Variants in ENTPD5 observed in about 807,000 individuals in gnomAD.
ENTPD5 encodes ectonucleoside triphosphate diphosphohydrolase 5 (inactive).
In ENTPD5, 49 loss-of-function variants were observed where a neutral mutation model predicts 60.2. The ratio of observed to expected loss-of-function variants is 0.81; its 90% CI spans 0.65 to 1.03. The LOEUF (loss-of-function observed/expected upper bound fraction) is 1.03, where lower values mean the gene tolerates loss of function less well. Among genes scored for constraint, ENTPD5 ranks in the 50% least tolerant of loss-of-function variants. The pLI is 0.00. For missense variants in ENTPD5, 480 were observed against 507.6 expected (o/e 0.95, Z 0.52); for synonymous variants, 187 against 185.4 (o/e 1.01, Z -0.07).
intron 6 of ENTPD5, among the ~76,000 whole-genome samples, chr14:73,981,652 TA>T (rs989858192): frequency 6.7e-6 from 1 of 150,066 alleles, no homozygotes; most frequent in Admixed American, 6.7e-5. Flanking sequence ...AAAAAATTTA[TA>T]AAAATTAGCC....
chr14:73,968,580 C>G (rs929503202), intron 15 of ENTPD5, among the ~76,000 whole-genome samples: 3 of 152,040 alleles, frequency 2.0e-5, no homozygotes, highest in African/African-American at 7.2e-5. Context: ...CACCTGCCAC[C>G]ACGCCCGGCT....
downstream of ENTPD5, chr14:73,961,195 A>T (rs761913612): frequency 9.9e-6 from 16 of 1,613,672 alleles, no homozygotes; most frequent in Non-Finnish European, 1.4e-5. Flanking sequence ...GACCACACGG[A>T]CTTCATCGAC....
intron 3 of ENTPD5, among the ~76,000 whole-genome samples, chr14:73,991,907 G>A (rs2058150831): frequency 2.6e-5 from 4 of 151,372 alleles, no homozygotes; most frequent in Admixed American, 6.6e-5. Context: ...CCTGAGGCAG[G>A]AGAATCACTT....
In ENTPD5 at chr14:73,973,040, G is replaced by A. The variant is rs769630518; in HGVS notation, c.887-16C>T. ...CCCACCTCCCCTGCCAGGCAAAGGT[G>A]CACAGGGGTAAGGTGAGAACGACGC... On this transcript the variant is annotated splice_polypyrimidine_tract_variant and intron_variant, in intron 12 of 15. Coordinates refer to ENST00000334696, the MANE Select transcript of ENTPD5 (RefSeq NM_001249.5). 13 of 1,613,716 alleles carry A rather than the reference G, an allele frequency of 8.1e-6. No individual in the cohort carries two copies. The East Asian group carries it at 2.9e-4, about 36-fold the overall frequency.
chr14:73,956,805 T>G (rs2056457954), downstream of ENTPD5: 1 of 152,148 alleles, frequency 6.6e-6, no homozygotes, highest in African/African-American at 2.4e-5. Context: ...GAGAGAAAAA[T>G]TGGAAGTAAC....
chr14:73,958,481 A>ATG (rs1345980017), downstream of ENTPD5: 2 of 1,406,472 alleles, frequency 1.4e-6, no homozygotes, highest in Non-Finnish European at 9.3e-7. Flanking sequence ...GGGCCGTCTT[A>ATG]GGTTGTGAAA....
At chr14:74,012,396 C>T (rs1375915904) in intron 2 of ENTPD5, among the ~76,000 whole-genome samples, 1 of 152,090 alleles carries the variant, frequency 6.6e-6, no homozygotes, top group African/African-American at 2.4e-5. Flanking sequence ...CATGAGCCAC[C>T]GGTCCCAGCT....
intron 6 of ENTPD5, among the ~76,000 whole-genome samples, chr14:73,978,664 T>C (rs1374104714): frequency 2.6e-5 from 4 of 151,668 alleles, no homozygotes; most frequent in African/African-American, 9.7e-5. Flanking sequence ...TTCCTTCTTA[T>C]AGAAAAAGCC....
chr14:73,976,418 A>G lies in ENTPD5; in HGVS notation c.554-6T>C. Reference sequence around the variant, plus strand: ...TCTGTGGCCATGCAGCTGACCTGTCAAATGAGAGCCAGCTCTAAATAGCCT... The same window carrying G: ...TCTGTGGCCATGCAGCTGACCTGTCGAATGAGAGCCAGCTCTAAATAGCCT... On this transcript the variant is annotated splice_polypyrimidine_tract_variant and splice_region_variant and intron_variant, in intron 8 of 15. Coordinates refer to ENST00000334696, the MANE Select transcript of ENTPD5 (RefSeq NM_001249.5). 1 of 1,613,470 alleles carries G rather than the reference A, an allele frequency of 6.2e-7. No homozygotes were observed. Among genetic ancestry groups the G allele is most frequent in the African/African-American group, 1.3e-5 (1 of 75,036 alleles).
In ENTPD5 at chr14:73,975,715, G is replaced by A. The variant is rs114450672; in HGVS notation, c.722+221C>T. ...CCACTGCACCCAGCCGAAAACTTTT[G>A]ACTCTTAAGTCATATATTAATGCTT... is the stretch of plus-strand genomic sequence containing the variant. On this transcript the variant is annotated intron_variant, in intron 10 of 15. Coordinates refer to ENST00000334696, the MANE Select transcript of ENTPD5 (RefSeq NM_001249.5). Among the ~76,000 whole-genome samples the A allele has an allele frequency of 4.3e-3, 648 of 152,148 alleles. 7 individuals are homozygous for A. Among genetic ancestry groups the A allele is most frequent in the African/African-American group, 0.015 (629 of 41,500 alleles).
intron 11 of ENTPD5, 85 bp downstream of exon 11, chr14:73,974,839 G>C: frequency 9.2e-7 from 1 of 1,084,902 alleles, no homozygotes; most frequent in Non-Finnish European, 1.4e-6. Flanking sequence ...TTCCTTCATA[G>C]AATGGCTATC....
At chr14:74,001,395 G>A (rs1011097696) in intron 3 of ENTPD5, among the ~76,000 whole-genome samples, 4 of 151,774 alleles carry the variant, frequency 2.6e-5, no homozygotes, top group East Asian at 1.9e-4. Flanking sequence ...CCAGCTACTC[G>A]GGAGGGTTAG....
downstream of ENTPD5, chr14:73,957,910 A>G: frequency 2.0e-6 from 1 of 489,072 alleles, no homozygotes; most frequent in Non-Finnish European, 3.7e-6. Context: ...GGACAGTAAG[A>G]AAGAGTGCCT....
chr14:73,972,845 C>A lies in ENTPD5; in HGVS notation c.1027+39G>T, dbSNP rs1282645231. ...TTGACCTTCCCCACCACAGCCCTATCCACCTTCCTCTCTGGACTGACACCT... is the reference window on the plus strand; with the variant it reads ...TTGACCTTCCCCACCACAGCCCTATACACCTTCCTCTCTGGACTGACACCT... On this transcript the variant is annotated intron_variant, in intron 13 of 15. Transcript: ENST00000334696. 1.9e-6 allele frequency: 3 copies of A among 1,609,320 alleles called. No individual in the cohort carries two copies. In the African/African-American group the frequency reaches 4.0e-5, roughly 22 times the overall value.
downstream of ENTPD5, among the ~76,000 whole-genome samples, chr14:73,962,147 C>T (rs2140424377): frequency 6.6e-6 from 1 of 151,934 alleles, no homozygotes; most frequent in Admixed American, 6.6e-5. Context: ...GGGGTTTCAC[C>T]ATGTTGGCCA....
chr14:73,980,801 A>T (rs1287222128), intron 6 of ENTPD5, among the ~76,000 whole-genome samples: 2 of 152,230 alleles, frequency 1.3e-5, no homozygotes, highest in East Asian at 1.9e-4. Context: ...AATAAAATTT[A>T]AAAATACTGA....
intron 9 of ENTPD5, 123 bp from the exon 10 acceptor site, chr14:73,976,138 C>T (rs1166334558): frequency 1.1e-6 from 1 of 909,642 alleles, no homozygotes; most frequent in Non-Finnish European, 1.7e-6. Flanking sequence ...GCTAATCTCA[C>T]TAGGCTTGAG....
intron 2 of ENTPD5, among the ~76,000 whole-genome samples, chr14:74,014,740 T>C (rs1414808280): frequency 6.6e-6 from 1 of 152,106 alleles, no homozygotes; most frequent in African/African-American, 2.4e-5. Flanking sequence ...AATGTCAATT[T>C]AGTAGAATTC....
rs746447780 is a variant in ENTPD5, at chr14:73,972,963, G to A, written c.948C>T (p.His316=). 4 of 1,614,204 alleles carry A rather than the reference G, an allele frequency of 2.5e-6. No homozygotes were observed. The South Asian group carries it at 3.3e-5, about 13-fold the overall frequency. Reference sequence around the variant, plus strand: ...AACCTCTCTGGACCTCCTCTGGCTGGTGAAGTTTTCCTCGTACCACCCTCA... The same window carrying A: ...AACCTCTCTGGACCTCCTCTGGCTGATGAAGTTTTCCTCGTACCACCCTCA... ...EVLRVVRGKL[H]QPEEVQRGSF... is the part of the protein sequence containing the mutation. Residue 316 remains histidine (H), a synonymous_variant, in exon 13 of 16, where the codon CAC becomes CAT. Transcript: ENST00000334696.
Sources: gnomAD v4.1 joint callset for allele counts (sites outside exome capture counted in the v4.1 genomes callset) on GRCh38, gnomAD v4.1.1 for gene constraint, MANE v1.5 for transcripts, NCBI Gene and HGNC (gene_info 2026-07-23, HGNC 2026-07-21) for gene names.